The following ANO6 variants were observed in gnomAD, a reference collection of about 807,000 sequenced individuals.
The protein encoded by ANO6 is anoctamin-6.
Under a neutral mutation model 117.5 loss-of-function variants are expected in ANO6, and 106 were observed. The observed-to-expected ratio is 0.90, with a 90% CI of 0.77 to 1.06. The LOEUF (loss-of-function observed/expected upper bound fraction) is 1.06, where lower values mean the gene tolerates loss of function less well. Ranked by LOEUF, ANO6 falls within the 50% of genes least tolerant of loss-of-function variation. ANO6 has a pLI of 0.00. For synonymous variants in ANO6, 367 were observed against 385.1 expected, an observed-to-expected ratio of 0.95 and a Z score of 0.55; for missense variants, 955 against 1,121.1, an observed-to-expected ratio of 0.85 and a Z score of 2.12.
At chr12:45,294,622 A>C (rs969743044) in intron 1 of ANO6, among the ~76,000 whole-genome samples, 57 of 152,352 alleles carry the variant, frequency 3.7e-4, no homozygotes, top group African/African-American at 1.3e-3. Context: ...TAATGTAAAT[A>C]GTAAGTCATT....
intron 2 of ANO6, among the ~76,000 whole-genome samples, chr12:45,322,616 G>A (rs908270050): frequency 1.6e-4 from 25 of 152,134 alleles, no homozygotes; most frequent in Non-Finnish European, 1.5e-5. Flanking sequence ...AGAACTGGAT[G>A]CAAGGAGACC....
At position 45,347,984 on chromosome 12, in the gene ANO6, A is replaced by G. The variant is rs1941182429; in HGVS notation, c.346-44A>G. 7 of 1,583,670 alleles carry G rather than the reference A, an allele frequency of 4.4e-6. No homozygotes were observed. In the East Asian group the frequency reaches 1.1e-4, roughly 25 times the overall value. ...AAATCTATGTGTTTTAAAATTGTGA[A>G]AAGAGTTGGTTTCTTGTTCTGCGTT... On this transcript the variant is annotated intron_variant, in intron 4 of 19. Coordinates refer to ENST00000320560, the MANE Select transcript of ANO6 (RefSeq NM_001025356.3).
intron 10 of ANO6, among the ~76,000 whole-genome samples, chr12:45,385,326 G>T (rs56755125): frequency 0.15 from 22,381 of 152,062 alleles, 2,300 homozygotes; most frequent in East Asian, 0.46. Flanking sequence ...TGGAATGATT[G>T]CATAATTACA....
rs143970627 is a variant in ANO6, at chr12:45,390,456, A to G, written c.1344A>G (p.Lys448=). 1 of 1,613,982 alleles carries G rather than the reference A, an allele frequency of 6.2e-7. No individual in the cohort carries two copies. Among genetic ancestry groups the G allele is most frequent in the South Asian group, 1.1e-5 (1 of 91,044 alleles). Reference sequence around the variant, plus strand: ...GCATTCCCTTTACTGCCTGGGGAAAATGTATACGGATAACCCTCTGTGCCA... The same window carrying G: ...GCATTCCCTTTACTGCCTGGGGAAAGTGTATACGGATAACCCTCTGTGCCA... ...EERIPFTAWG[K]CIRITLCASA... Residue 448 remains lysine, a synonymous_variant, in exon 12 of 20, where the codon AAA becomes AAG. Coordinates refer to ENST00000320560, the MANE Select transcript of ANO6 (RefSeq NM_001025356.3).
chr12:45,353,074 T>C (rs1319251238), intron 7 of ANO6, among the ~76,000 whole-genome samples: 2 of 143,350 alleles, frequency 1.4e-5, no homozygotes, highest in African/African-American at 6.0e-5. Flanking sequence ...CTTAATCTGA[T>C]TGAGGTTAGA....
In ANO6 at chr12:45,276,890, A is replaced by G. The variant is rs555886776; in HGVS notation, c.71-25124A>G. 5.3e-5 allele frequency among the ~76,000 whole-genome samples: 8 copies of G among 152,284 alleles called. No individual in the cohort carries two copies. In the South Asian group the frequency reaches 1.0e-3, roughly 20 times the overall value. On this transcript the variant is annotated intron_variant, in intron 1 of 19. Transcript: ENST00000320560. ...TCAAAGTTTTACATAATTAGTTAGAATGTTTACATAACTCAAAAATTAAAT... is the reference window on the plus strand; with the variant it reads ...TCAAAGTTTTACATAATTAGTTAGAGTGTTTACATAACTCAAAAATTAAAT...
At chr12:45,324,621 T>C (rs1358301825) in intron 2 of ANO6, among the ~76,000 whole-genome samples, 2 of 152,124 alleles carry the variant, frequency 1.3e-5, no homozygotes, top group African/African-American at 4.8e-5. Flanking sequence ...AGACTGGAAA[T>C]GGAAACCTAC....
intron 16 of ANO6, among the ~76,000 whole-genome samples, chr12:45,414,276 G>A (rs1259242633): frequency 6.6e-6 from 1 of 151,936 alleles, no homozygotes; most frequent in African/African-American, 2.4e-5. Flanking sequence ...TTTTCAGTGG[G>A]TGTTTTGCGT....
At chr12:45,257,680 C>T (rs1937884624) in intron 1 of ANO6, among the ~76,000 whole-genome samples, 1 of 152,230 alleles carries the variant, frequency 6.6e-6, no homozygotes, top group Admixed American at 6.5e-5. Flanking sequence ...TTGTGTCTCA[C>T]CTGGACTGTG....
At chr12:45,351,178 T>C (rs946260414) in intron 7 of ANO6, among the ~76,000 whole-genome samples, 4 of 152,118 alleles carry the variant, frequency 2.6e-5, no homozygotes, top group Non-Finnish European at 5.9e-5. Flanking sequence ...CACTCCTATC[T>C]CTCAGGAAGT....
chr12:45,292,570 A>G (rs1939137861), intron 1 of ANO6: 2 of 875,718 alleles, frequency 2.3e-6, no homozygotes, highest in Non-Finnish European at 2.8e-6. Flanking sequence ...GAGTTTTTCT[A>G]TAAAAGCATT....
chr12:45,403,505 A>G lies in ANO6; in HGVS notation c.1849A>G (p.Ile617Val), dbSNP rs568111570. The change falls in exon 15 of 20, where the codon ATC becomes GTC. Residue 617 changes from isoleucine to valine, a missense_variant. Transcript: ENST00000320560. ...QLTIIMGGKAIWNNIQEVLLP... is the reference protein window; with the variant it reads ...QLTIIMGGKAVWNNIQEVLLP... ...GACAATAATCATGGGAGGAAAAGCA[A>G]TCTGGAATAACATACAAGAAGTATT... 3.7e-6 allele frequency: 6 copies of G among 1,613,694 alleles called. No individual in the cohort carries two copies. The South Asian group carries it at 5.5e-5, about 15-fold the overall frequency.
intron 1 of ANO6, among the ~76,000 whole-genome samples, chr12:45,250,489 C>T (rs1018022856): frequency 1.3e-5 from 2 of 152,086 alleles, no homozygotes; most frequent in Admixed American, 6.5e-5. Flanking sequence ...AACTCCTGGG[C>T]TCAAGCATTC....
intron 9 of ANO6, among the ~76,000 whole-genome samples, chr12:45,373,380 T>C (rs10880778): frequency 0.99 from 149,376 of 151,606 alleles, 73,638 homozygotes; most frequent in Middle Eastern, 1. Context: ...ATCTACAGAA[T>C]TCTCCACCCC....
In ANO6 at chr12:45,421,228, G is replaced by A; in HGVS notation, c.2375G>A (p.Ser792Asn). 6.2e-7 allele frequency: 1 copy of A among 1,614,160 alleles called. No homozygotes were observed. Among genetic ancestry groups the A allele is most frequent in the Non-Finnish European group, 8.5e-7 (1 of 1,180,018 alleles). Reference protein sequence around the residue: ...IFKVADFKNKSKGNPYSDLGN... With the variant: ...IFKVADFKNKNKGNPYSDLGN... ...AAAGTCGCAGACTTCAAAAACAAAA[G>A]CAAGGGAAACCCGTACTCTGACCTG... The change falls in exon 18 of 20, where the codon AGC becomes AAC. Residue 792 changes from serine to asparagine, a missense_variant. Coordinates refer to ENST00000320560, the MANE Select transcript of ANO6 (RefSeq NM_001025356.3).
exon 20 of ANO6, chr12:45,439,867 G>T: frequency 1.3e-6 from 2 of 1,527,398 alleles, no homozygotes; most frequent in Non-Finnish European, 1.8e-6. Flanking sequence ...TTTCTTTTCT[G>T]TTACTTTCTT....
intron 1 of ANO6, among the ~76,000 whole-genome samples, chr12:45,247,919 TTATAGA>T (rs1277635248): frequency 6.6e-6 from 1 of 152,230 alleles, no homozygotes; most frequent in Non-Finnish European, 1.5e-5. Flanking sequence ...TAGCATCTAG[TTATAGA>T]TATAAGCATG....
intron 19 of ANO6, among the ~76,000 whole-genome samples, chr12:45,426,409 G>A (rs1023368814): frequency 3.9e-5 from 6 of 152,000 alleles, no homozygotes; most frequent in African/African-American, 1.5e-4. Context: ...CACCAGTCCT[G>A]CTTCACTTCT....
intron 10 of ANO6, among the ~76,000 whole-genome samples, chr12:45,385,982 G>T (rs1033822020): frequency 6.6e-6 from 1 of 152,194 alleles, no homozygotes; most frequent in Non-Finnish European, 1.5e-5. Flanking sequence ...CTGCTGCAGG[G>T]TCTGCAGGAT....
Sources: gnomAD v4.1 joint callset for allele counts (sites outside exome capture counted in the v4.1 genomes callset) on GRCh38, gnomAD v4.1.1 for gene constraint, MANE v1.5 for transcripts, NCBI Gene and HGNC (gene_info 2026-07-23, HGNC 2026-07-21) for gene names.